The following TPRG1 variants were observed in gnomAD, a reference collection of about 807,000 sequenced individuals.
TPRG1 encodes tumor protein p63 regulated 1.
A neutral mutation model predicts 29.3 loss-of-function variants in TPRG1; 29 were observed. The observed-to-expected ratio is 0.99, with a 90% CI of 0.74 to 1.35. The LOEUF is 1.35. TPRG1 is among the 40% of genes most tolerant of loss of function. The pLI, the probability that TPRG1 is intolerant of heterozygous loss-of-function variation, is 0.00. For synonymous variants in TPRG1, 130 were observed against 116.8 expected (o/e 1.11, Z -0.73); for missense variants, 327 against 335.0 (o/e 0.98, Z 0.19).
At chr3:189,290,013 A>G (rs753221057) in intron 4 of TPRG1, among the ~76,000 whole-genome samples, 2 of 152,214 alleles carry the variant, frequency 1.3e-5, no homozygotes, top group Non-Finnish European at 2.9e-5. Flanking sequence ...GAAATGCAAT[A>G]GGAAACATAA....
At chr3:189,042,006 T>G (rs1322000455) in intron 4 of TPRG1, among the ~76,000 whole-genome samples, 1 of 152,162 alleles carries the variant, frequency 6.6e-6, no homozygotes, top group East Asian at 1.9e-4. Flanking sequence ...TTAGGATGCT[T>G]CTGTATTGTT....
intron 4 of TPRG1, among the ~76,000 whole-genome samples, chr3:189,292,983 A>G (rs1441232981): frequency 2.0e-5 from 3 of 152,116 alleles, no homozygotes; most frequent in African/African-American, 7.2e-5. Context: ...GGGGTCCCAC[A>G]TGTGCTTGTT....
At chr3:189,291,756 T>C (rs934708305) in intron 4 of TPRG1, among the ~76,000 whole-genome samples, 20 of 152,208 alleles carry the variant, frequency 1.3e-4, no homozygotes, top group African/African-American at 4.1e-4. Flanking sequence ...TTGACAAATA[T>C]ATATCTCATT....
At chr3:189,152,427 G>A (rs777713288) in intron 5 of TPRG1, among the ~76,000 whole-genome samples, 23 of 152,216 alleles carry the variant, frequency 1.5e-4, no homozygotes, top group Non-Finnish European at 2.6e-4. Context: ...TCCAAGTGAA[G>A]GGTACATGTG....
At chr3:189,081,265 G>A (rs764203890) in intron 4 of TPRG1, among the ~76,000 whole-genome samples, 5 of 152,142 alleles carry the variant, frequency 3.3e-5, no homozygotes, top group Non-Finnish European at 7.4e-5. Context: ...GAAAAAATGC[G>A]TGGGGAGAGG....
At chr3:189,095,059 T>C (rs1409960634) in intron 4 of TPRG1, among the ~76,000 whole-genome samples, 1 of 152,194 alleles carries the variant, frequency 6.6e-6, no homozygotes, top group Non-Finnish European at 1.5e-5. Flanking sequence ...AGGGTACCAA[T>C]GCAATTCTTC....
intron 4 of TPRG1, among the ~76,000 whole-genome samples, chr3:189,030,675 T>G (rs1353866393): frequency 6.6e-6 from 1 of 152,182 alleles, no homozygotes; most frequent in African/African-American, 2.4e-5. Context: ...CTGAAAGTGT[T>G]ACGCCAGTCA....
At chr3:189,269,236 A>G (rs1365750755) in intron 4 of TPRG1, among the ~76,000 whole-genome samples, 1 of 152,194 alleles carries the variant, frequency 6.6e-6, no homozygotes, top group Admixed American at 6.5e-5. Context: ...TACTCCAGTA[A>G]AAATCCATCC....
intron 2 of TPRG1, among the ~76,000 whole-genome samples, chr3:189,210,174 C>T (rs1451686985): frequency 6.6e-6 from 1 of 152,026 alleles, no homozygotes; most frequent in Non-Finnish European, 1.5e-5. Flanking sequence ...ATTTCCTCAT[C>T]TACAAAGTAT....
chr3:189,293,646 G>A (rs747011565), intron 4 of TPRG1, among the ~76,000 whole-genome samples: 1 of 152,102 alleles, frequency 6.6e-6, no homozygotes, highest in Non-Finnish European at 1.5e-5. Flanking sequence ...CCACAAAATA[G>A]AAAGGGACAT....
intron 4 of TPRG1, among the ~76,000 whole-genome samples, chr3:189,040,824 A>C (rs1714586677): frequency 6.6e-6 from 1 of 152,086 alleles, no homozygotes; most frequent in Non-Finnish European, 1.5e-5. Context: ...GAGCCACGAG[A>C]TGAGTCAAAG....
At chr3:189,104,837 T>G (rs1719624837) in intron 1 of TPRG1, among the ~76,000 whole-genome samples, 5 of 152,124 alleles carry the variant, frequency 3.3e-5, no homozygotes, top group Admixed American at 2.0e-4. Flanking sequence ...CCCTGTTACC[T>G]TCATCTGCAT....
intron 4 of TPRG1, among the ~76,000 whole-genome samples, chr3:189,047,274 G>T (rs1212240822): frequency 6.6e-6 from 1 of 152,008 alleles, no homozygotes; most frequent in African/African-American, 2.4e-5. Context: ...TAATTTTTTG[G>T]TTTTCCAGTG....
intron 4 of TPRG1, among the ~76,000 whole-genome samples, chr3:189,026,123 A>AT (rs1223007651): frequency 6.6e-6 from 1 of 152,002 alleles, no homozygotes; most frequent in African/African-American, 2.4e-5. Flanking sequence ...CTTAACAGAC[A>AT]TTTTTTTTCT....
chr3:189,136,684 C>T (rs1204852425), intron 3 of TPRG1, among the ~76,000 whole-genome samples: 1 of 152,146 alleles, frequency 6.6e-6, no homozygotes, highest in Non-Finnish European at 1.5e-5. Context: ...CTCGTTACAG[C>T]GCTGGGCCTC....
intron 4 of TPRG1, among the ~76,000 whole-genome samples, chr3:189,282,215 CAAAAAAA>C (rs577174841): frequency 4.2e-5 from 4 of 94,714 alleles, no homozygotes; most frequent in African/African-American, 9.1e-5. Flanking sequence ...TAGTCCTTTC[CAAAAAAA>C]AAAAAAAAAA....
At chr3:189,239,065 C>G (rs1740056681) in intron 4 of TPRG1, 156 bp downstream of exon 4, 1 of 565,848 alleles carries the variant, frequency 1.8e-6, no homozygotes. Flanking sequence ...AGTTCCTACT[C>G]TATGTCAGCC....
intron 1 of TPRG1, among the ~76,000 whole-genome samples, chr3:188,999,250 G>A (rs1025708324): frequency 6.6e-6 from 1 of 152,068 alleles, no homozygotes; most frequent in African/African-American, 2.4e-5. Context: ...AAGATAACAG[G>A]ACTCCCTGTT....
intron 4 of TPRG1, among the ~76,000 whole-genome samples, chr3:189,079,858 A>C (rs563856243): frequency 1.3e-5 from 2 of 152,246 alleles, no homozygotes; most frequent in Non-Finnish European, 2.9e-5. Context: ...CGAGGCATTC[A>C]TCTGACTCGT....
Sources: allele counts gnomAD v4.1 joint callset (sites outside exome capture counted in the v4.1 genomes callset), GRCh38; gene constraint gnomAD v4.1.1; transcripts MANE v1.5; gene names NCBI Gene and HGNC (gene_info 2026-07-23, HGNC 2026-07-21).